ARGFX: variants seen among roughly 807,000 people sequenced by gnomAD.
ARGFX encodes the protein arginine-fifty homeobox.
In ARGFX, 10 loss-of-function variants were observed where a neutral mutation model predicts 8.0. The observed-to-expected ratio is 1.25, with a 90% CI of 0.77 to 2.12. ARGFX has a LOEUF of 2.12. Ranked by LOEUF, ARGFX falls within the 30% of genes most tolerant of loss-of-function variation. The pLI, the probability that ARGFX is intolerant of heterozygous loss-of-function variation, is 0.00. For synonymous variants in ARGFX, 116 were observed against 117.8 expected, an observed-to-expected ratio of 0.98 and a Z score of 0.10; for missense variants, 282 against 324.3, an observed-to-expected ratio of 0.87 and a Z score of 1.00.
chr3:121,589,042 G>A lies in ARGFX; in HGVS notation c.*2442G>A, dbSNP rs2048830962. ...AATAAAAAATTAGCTGGGCATGACG[G>A]CCAGAGCCCATGGTCCCAGCTACTC... On this transcript the variant is annotated 3_prime_UTR_variant, in exon 5 of 5. Coordinates refer to ENST00000334384, the MANE Select transcript of ARGFX (RefSeq NM_001012659.2). Among the ~76,000 whole-genome samples the A allele has an allele frequency of 6.6e-6, 1 of 152,104 alleles. No individual in the cohort carries two copies. The highest frequency in any genetic ancestry group is 1.5e-5 in the Non-Finnish European group (1 of 68,024).
chr3:121,568,153 T>A (rs962753993), intron 1 of ARGFX, among the ~76,000 whole-genome samples, 140 bp downstream of exon 1: 15 of 152,088 alleles, frequency 9.9e-5, no homozygotes, highest in Non-Finnish European at 1.8e-4. Flanking sequence ...TATAGATGGT[T>A]GGGGACAGAA....
intron 2 of ARGFX, 122 bp from the exon 3 acceptor site, chr3:121,576,661 AT>A (rs1213142796): frequency 6.3e-6 from 2 of 318,340 alleles, no homozygotes; most frequent in Admixed American, 4.3e-5. Flanking sequence ...TTATATTCTC[AT>A]TGTTCTTTCT....
chr3:121,569,900 C>A (rs2048697393), intron 1 of ARGFX, among the ~76,000 whole-genome samples: 1 of 152,130 alleles, frequency 6.6e-6, no homozygotes, highest in Non-Finnish European at 1.5e-5. Flanking sequence ...CAAGATGTCA[C>A]CATTGAGGGA....
At chr3:121,578,926 C>A (rs984761051) in intron 3 of ARGFX, among the ~76,000 whole-genome samples, 1 of 151,898 alleles carries the variant, frequency 6.6e-6, no homozygotes, top group African/African-American at 2.4e-5. Context: ...ATCCACCTGC[C>A]TTGGCCTCCC....
rs1436483577 is a variant in ARGFX, at chr3:121,590,612, C to G, written c.*4012C>G. ...GCCTTCAGAACTGTAAGAAATAAAT[C>G]TCTCTTCATAAATTACCCAGTCTCA... On this transcript the variant is annotated 3_prime_UTR_variant, in exon 5 of 5. Transcript: ENST00000334384. Among the ~76,000 whole-genome samples the G allele has an allele frequency of 6.6e-6, 1 of 152,180 alleles. No individual in the cohort carries two copies. Among genetic ancestry groups the G allele is most frequent in the Non-Finnish European group, 1.5e-5 (1 of 68,042 alleles).
At chr3:121,579,309 T>C (rs36018635) in intron 3 of ARGFX, among the ~76,000 whole-genome samples, 42,388 of 152,134 alleles carry the variant, frequency 0.28, 6,334 homozygotes, top group East Asian at 0.61. Flanking sequence ...TATATCCTGG[T>C]TCCAGGCTTT....
In ARGFX at chr3:121,567,951, A is replaced by G. The variant is rs1174693832; in HGVS notation, c.-75A>G. Among the ~76,000 whole-genome samples, 1 of 152,176 alleles carries G rather than the reference A, an allele frequency of 6.6e-6. No homozygotes were observed. The highest frequency in any genetic ancestry group is 1.5e-5 in the Non-Finnish European group (1 of 68,034). On this transcript the variant is annotated 5_prime_UTR_variant, in exon 1 of 5. Coordinates refer to ENST00000334384, the MANE Select transcript of ARGFX (RefSeq NM_001012659.2). ...CATGAGGACACACTAAGGAAACTGCATTTCCAGAGAGAGACACACCACGTA... is the reference window on the plus strand; with the variant it reads ...CATGAGGACACACTAAGGAAACTGCGTTTCCAGAGAGAGACACACCACGTA...
intron 3 of ARGFX, among the ~76,000 whole-genome samples, chr3:121,578,252 A>C (rs1206518853): frequency 1.3e-5 from 2 of 148,340 alleles, no homozygotes; most frequent in Non-Finnish European, 3.0e-5. Flanking sequence ...CTCAGCCTCC[A>C]GAGTAGCTGG....
At chr3:121,574,423 T>G (rs542823406) in intron 2 of ARGFX, among the ~76,000 whole-genome samples, 94 of 152,352 alleles carry the variant, frequency 6.2e-4, no homozygotes, top group African/African-American at 2.1e-3. Context: ...GTAGGAGACC[T>G]GAGCTTGTTT....
Position 121,581,205 on chromosome 3 carries a change from T to C in ARGFX, c.221-3712T>C, listed in dbSNP as rs190032979. Among the ~76,000 whole-genome samples, 406 of 152,298 alleles carry C rather than the reference T, an allele frequency of 2.7e-3. 2 individuals are homozygous for C. The highest frequency in any genetic ancestry group is 9.5e-3 in the African/African-American group (393 of 41,558). On this transcript the variant is annotated intron_variant, in intron 3 of 4. Transcript: ENST00000334384. The stretch of plus-strand genomic sequence containing the variant: ...CTGGTCTCAAACTCCTGACCTCAAG[T>C]GGTCTGCCCAAAGTGCTGGGATTAC...
chr3:121,579,940 C>CTTTTTTTTTTTTT (rs1204013765), intron 3 of ARGFX, among the ~76,000 whole-genome samples: 6 of 43,254 alleles, frequency 1.4e-4, no homozygotes, highest in African/African-American at 5.3e-4. Context: ...CTTTTCTTTT[C>CTTTTTTTTTTTTT]TTTTCTTTTT....
intron 1 of ARGFX, among the ~76,000 whole-genome samples, chr3:121,569,763 A>AT (rs1267914643): frequency 6.6e-6 from 1 of 152,212 alleles, no homozygotes; most frequent in Admixed American, 6.5e-5. Context: ...TCTTTTACCC[A>AT]TGCAGGATTT....
Position 121,587,414 on chromosome 3 carries a change from T to A in ARGFX, c.*814T>A, listed in dbSNP as rs1189082617. On this transcript the variant is annotated 3_prime_UTR_variant, in exon 5 of 5. Transcript: ENST00000334384. ...GTTGCCCAGGCTGGTCTCCAACTCC[T>A]GGACTTAACGCCATCCACCTGCCAC... Among the ~76,000 whole-genome samples, 1 of 151,940 alleles carries A rather than the reference T, an allele frequency of 6.6e-6. No homozygotes were observed. The highest frequency in any genetic ancestry group is 1.9e-4 in the East Asian group (1 of 5,180).
chr3:121,584,859 TG>T (rs1156576871), intron 3 of ARGFX, 57 bp from the exon 4 acceptor site: 10 of 1,562,642 alleles, frequency 6.4e-6, no homozygotes, highest in South Asian at 1.2e-5. Context: ...TTTTTTTGGT[TG>T]GGGGGAGAGA....
intron 3 of ARGFX, among the ~76,000 whole-genome samples, chr3:121,582,691 C>A (rs530841845): frequency 2.0e-5 from 3 of 152,052 alleles, no homozygotes; most frequent in African/African-American, 7.2e-5. Flanking sequence ...GAGGACCTTT[C>A]CTCCTTTTAC....
chr3:121,578,760 T>C (rs1452416691), intron 3 of ARGFX, among the ~76,000 whole-genome samples: 1 of 150,414 alleles, frequency 6.6e-6, no homozygotes, highest in Non-Finnish European at 1.5e-5. Context: ...AAGTTCTGCC[T>C]CCCAGGTTCA....
chr3:121,580,254 T>G (rs529209561), intron 3 of ARGFX, among the ~76,000 whole-genome samples: 40 of 151,984 alleles, frequency 2.6e-4, no homozygotes, highest in African/African-American at 8.9e-4. Flanking sequence ...GTGATTCCCC[T>G]GCCTCAGCCT....
chr3:121,570,730 C>T lies in ARGFX; in HGVS notation c.17C>T (p.Ala6Val), dbSNP rs2048702893. Reference sequence around the variant, plus strand: ...TCAGAAACCATGAGGAACAGAATGGCCCCAGAGAATCCCCAGCCAGACCCT... The same window carrying T: ...TCAGAAACCATGAGGAACAGAATGGTCCCAGAGAATCCCCAGCCAGACCCT... Reference protein sequence around the residue: MRNRMAPENPQPDPFI... With the variant: MRNRMVPENPQPDPFI... Residue 6 changes from alanine to valine, a missense_variant, in exon 2 of 5, where the codon GCC becomes GTC. Ala to Val is a moderately conservative substitution (Grantham distance 64). Transcript: ENST00000334384. The T allele has an allele frequency of 1.9e-6, 3 of 1,609,640 alleles. No homozygotes were observed. The highest frequency in any genetic ancestry group is 1.7e-6 in the Non-Finnish European group (2 of 1,178,104).
Position 121,586,414 on chromosome 3 carries a change from C to G in ARGFX, c.762C>G (p.Leu254=), listed in dbSNP as rs750611250. The G allele has an allele frequency of 6.2e-7, 1 of 1,614,216 alleles. No individual in the cohort carries two copies. The highest frequency in any genetic ancestry group is 1.3e-5 in the African/African-American group (1 of 75,058). Residue 254 remains leucine (L), a synonymous_variant, in exon 5 of 5, where the codon CTC becomes CTG. Coordinates refer to ENST00000334384, the MANE Select transcript of ARGFX (RefSeq NM_001012659.2). ...CTTTCCACTGTCTGTATCAGTATCT[C>G]TCACCCACAAAGTACCAGGTAGGAG... ...SSSFHCLYQY[L]SPTKYQVGGQ...
Sources: gnomAD v4.1 joint callset for allele counts (sites outside exome capture counted in the v4.1 genomes callset) on GRCh38, gnomAD v4.1.1 for gene constraint, MANE v1.5 for transcripts, NCBI Gene and HGNC (gene_info 2026-07-23, HGNC 2026-07-21) for gene names.